GULP1: variants seen among roughly 807,000 people sequenced by gnomAD.
GULP1 encodes GULP PTB domain containing engulfment adaptor 1, also known as PTB domain-containing engulfment adapter protein 1.
A neutral mutation model predicts 40.9 loss-of-function variants in GULP1; 19 were observed. The observed-to-expected ratio is 0.46, with a 90% confidence interval of 0.32 to 0.68. The LOEUF (loss-of-function observed/expected upper bound fraction) is 0.68, where lower values mean the gene tolerates loss of function less well. Among genes scored for constraint, GULP1 ranks in the 30% least tolerant of loss-of-function variants. GULP1 has a pLI of 0.03. For missense variants in GULP1, 312 were observed against 362.2 expected (o/e 0.86, Z 1.12); for synonymous variants, 119 against 117.6 (o/e 1.01, Z -0.08).
intron 6 of GULP1, among the ~76,000 whole-genome samples, chr2:188,534,922 A>G (rs1032607324): frequency 3.3e-5 from 5 of 151,856 alleles, no homozygotes; most frequent in African/African-American, 7.2e-5. Flanking sequence ...TCATTATCCT[A>G]TATTGCCTTA....
intron 1 of GULP1, among the ~76,000 whole-genome samples, chr2:188,356,252 C>G (rs1364467417): frequency 6.6e-6 from 1 of 152,048 alleles, no homozygotes; most frequent in African/African-American, 2.4e-5. Flanking sequence ...GAAATTGTTT[C>G]TGTTTGCTGA....
intron 4 of GULP1, among the ~76,000 whole-genome samples, chr2:188,518,840 A>G (rs1226304369): frequency 6.6e-6 from 1 of 152,104 alleles, no homozygotes; most frequent in Admixed American, 6.5e-5. Flanking sequence ...ATGATTTTTC[A>G]GGAGAGAAGA....
intron 7 of GULP1, among the ~76,000 whole-genome samples, chr2:188,549,869 C>A (rs1476128452): frequency 1.3e-5 from 2 of 151,616 alleles, no homozygotes; most frequent in Non-Finnish European, 3.0e-5. Flanking sequence ...GATTCCATTT[C>A]TATAACATTC....
chr2:188,371,398 A>G (rs2047580122), intron 1 of GULP1, among the ~76,000 whole-genome samples: 1 of 152,148 alleles, frequency 6.6e-6, no homozygotes, highest in African/African-American at 2.4e-5. Context: ...GATAAATAGT[A>G]CAAAGGATTT....
chr2:188,356,167 G>T (rs1262051032), intron 1 of GULP1, among the ~76,000 whole-genome samples: 1 of 151,924 alleles, frequency 6.6e-6, no homozygotes, highest in East Asian at 1.9e-4. Context: ...TATTCAACAT[G>T]GTACTGAAAG....
intron 1 of GULP1, among the ~76,000 whole-genome samples, chr2:188,328,689 G>A (rs920353141): frequency 6.6e-6 from 1 of 152,048 alleles, no homozygotes; most frequent in East Asian, 1.9e-4. Flanking sequence ...TGCATACAAT[G>A]AGTTCTAAAT....
chr2:188,449,647 G>A (rs1422226791), intron 2 of GULP1, among the ~76,000 whole-genome samples: 1 of 152,136 alleles, frequency 6.6e-6, no homozygotes, highest in African/African-American at 2.4e-5. Context: ...CATTTCTACT[G>A]TACGCTTTTC....
At chr2:188,500,514 G>A (rs1340318382) in intron 4 of GULP1, among the ~76,000 whole-genome samples, 1 of 151,886 alleles carries the variant, frequency 6.6e-6, no homozygotes, top group East Asian at 1.9e-4. Context: ...AAAGAAAATT[G>A]TAGGATGTTA....
In GULP1 at chr2:188,292,565, G is replaced by C. The variant is rs1397730418; in HGVS notation, c.-172+399G>C. The stretch of plus-strand genomic sequence containing the variant: ...ACTGGAGGGAGGCGGTGGGGAAACC[G>C]TGGATCCGTCCGGCTGAGGGTGCGT... On this transcript the variant is annotated intron_variant, in intron 1 of 11. Transcript: ENST00000409830. This position sits in a 1 kb window ranked among gnomAD's most constrained non-coding sequence, Gnocchi z 4.0. Among the ~76,000 whole-genome samples, 1 of 151,968 alleles carries C rather than the reference G, an allele frequency of 6.6e-6. No homozygotes were observed. Among genetic ancestry groups the C allele is most frequent in the Non-Finnish European group, 1.5e-5 (1 of 67,984 alleles).
At chr2:188,474,499 T>C (rs2060845679) in intron 2 of GULP1, among the ~76,000 whole-genome samples, 1 of 152,172 alleles carries the variant, frequency 6.6e-6, no homozygotes, top group Non-Finnish European at 1.5e-5. Flanking sequence ...GGTGTGGTTT[T>C]CCTTTTTGTT....
intron 1 of GULP1, among the ~76,000 whole-genome samples, chr2:188,323,671 T>A (rs543872244): frequency 0.015 from 2,128 of 143,064 alleles, 26 homozygotes; most frequent in Non-Finnish European, 0.02. Context: ...TGTGTGTGTG[T>A]GTGTGTGTGT....
chr2:188,312,716 C>T (rs991306117), intron 1 of GULP1, among the ~76,000 whole-genome samples: 3 of 152,124 alleles, frequency 2.0e-5, no homozygotes, highest in Non-Finnish European at 4.4e-5. Flanking sequence ...CTTGAGGAAT[C>T]GCCATACTGT....
chr2:188,450,186 T>C (rs1028760413), intron 2 of GULP1, among the ~76,000 whole-genome samples: 3 of 152,214 alleles, frequency 2.0e-5, no homozygotes, highest in African/African-American at 7.2e-5. Flanking sequence ...TCTGGCACTG[T>C]GCCAGGTCAT....
chr2:188,555,134 A>G (rs1694425323), intron 7 of GULP1, among the ~76,000 whole-genome samples: 1 of 152,136 alleles, frequency 6.6e-6, no homozygotes, highest in Non-Finnish European at 1.5e-5. Flanking sequence ...TAATCCATTT[A>G]CAGTCAGTGT....
intron 9 of GULP1, among the ~76,000 whole-genome samples, chr2:188,570,833 A>G (rs1698868410): frequency 6.6e-6 from 1 of 152,182 alleles, no homozygotes; most frequent in Non-Finnish European, 1.5e-5. Flanking sequence ...ATTCTTTATT[A>G]AAGTGTATTT....
chr2:188,316,526 T>A (rs914714171), intron 1 of GULP1, among the ~76,000 whole-genome samples: 1 of 152,154 alleles, frequency 6.6e-6, no homozygotes, highest in African/African-American at 2.4e-5. Context: ...GGCCTCTTGA[T>A]GCCTTTGTGG....
chr2:188,399,016 T>C (rs1378215721), intron 2 of GULP1, among the ~76,000 whole-genome samples: 1 of 152,226 alleles, frequency 6.6e-6, no homozygotes, highest in Non-Finnish European at 1.5e-5. Flanking sequence ...AGAAACTTTT[T>C]GATCAGGCAA....
At chr2:188,512,431 A>G (rs1194303025) in intron 4 of GULP1, among the ~76,000 whole-genome samples, 2 of 152,148 alleles carry the variant, frequency 1.3e-5, no homozygotes, top group East Asian at 1.9e-4. Context: ...TTTTGAATTT[A>G]CTATACATAA....
At chr2:188,352,720 A>C (rs1180015264) in intron 1 of GULP1, among the ~76,000 whole-genome samples, 1 of 151,776 alleles carries the variant, frequency 6.6e-6, no homozygotes, top group Admixed American at 6.6e-5. Flanking sequence ...ACTTATGTGT[A>C]TGTTTCAGTA....
Sources: allele counts gnomAD v4.1 joint callset (sites outside exome capture counted in the v4.1 genomes callset), GRCh38; gene constraint gnomAD v4.1.1; non-coding constraint Gnocchi (gnomAD v3.1); transcripts MANE v1.5; gene names NCBI Gene and HGNC (gene_info 2026-07-23, HGNC 2026-07-21).